The following MYO16 variants were observed in gnomAD, a reference collection of about 807,000 sequenced individuals.
MYO16 encodes myosin XVI.
Under a neutral mutation model 205.3 loss-of-function variants are expected in MYO16, and 94 were observed. That is an observed-to-expected ratio of 0.46 (90% confidence interval 0.39 to 0.54). The LOEUF (loss-of-function observed/expected upper bound fraction) is 0.54. Ranked by LOEUF, MYO16 falls within the 20% of genes least tolerant of loss-of-function variation. The pLI is 0.00. For synonymous variants in MYO16, 988 were observed against 954.0 expected, an observed-to-expected ratio of 1.04 and a Z score of -0.66; for missense variants, 2,315 against 2,387.5, an observed-to-expected ratio of 0.97 and a Z score of 0.63.
rs74819037 is a variant in MYO16 at position 108,882,995 on chromosome 13, T to A, written c.1426-64T>A. The A allele has an allele frequency of 6.9e-3, 10,967 of 1,585,816 alleles. 1,009 individuals are homozygous for A. In the East Asian group the frequency reaches 0.21, roughly 30 times the overall value. ...TCTTGGACAGAAGTCACTCTCATTA[T>A]GGGATGAGGAATACTGGCGCCTTTT... On this transcript the variant is annotated intron_variant, in intron 12 of 34. Transcript: ENST00000457511.
intron 2 of MYO16, among the ~76,000 whole-genome samples, chr13:108,679,405 G>A (rs543482008): frequency 6.6e-6 from 1 of 152,234 alleles, no homozygotes; most frequent in Admixed American, 6.5e-5. Flanking sequence ...GTTTACATGA[G>A]TAAGAGCTTT....
chr13:108,922,535 T>G (rs1441763062), intron 16 of MYO16, among the ~76,000 whole-genome samples: 1 of 152,218 alleles, frequency 6.6e-6, no homozygotes, highest in Non-Finnish European at 1.5e-5. Context: ...AAGAGAGACT[T>G]TCTTCACGTC....
chr13:108,867,063 G>A (rs941682790), intron 12 of MYO16, among the ~76,000 whole-genome samples: 7 of 151,932 alleles, frequency 4.6e-5, no homozygotes, highest in Non-Finnish European at 7.4e-5. Context: ...GTCAATTCTG[G>A]CTGGACTCGG....
intron 23 of MYO16, among the ~76,000 whole-genome samples, chr13:109,040,385 C>CACACACAGAGAGAGAGAGAGAGAGAGAG (rs1394314811): frequency 1.3e-4 from 15 of 113,282 alleles, no homozygotes; most frequent in East Asian, 5.5e-4. Context: ...CACACACACA[C>CACACACAGAGAGAGAGAGAGAGAGAGAG]AGAGAGAGAG....
intron 4 of MYO16, among the ~76,000 whole-genome samples, chr13:108,767,139 G>A (rs1566594814): frequency 6.6e-6 from 1 of 152,006 alleles, no homozygotes; most frequent in Non-Finnish European, 1.5e-5. Flanking sequence ...GTCTCTCTCT[G>A]TCGCCCAGGC....
intron 20 of MYO16, among the ~76,000 whole-genome samples, chr13:108,986,622 C>CAAAAAAAAAAAAAAAAAA (rs11350100): frequency 1.4e-5 from 1 of 69,528 alleles, no homozygotes. Flanking sequence ...AACTCCGTCT[C>CAAAAAAAAAAAAAAAAAA]AAAAAAAAAA....
chr13:108,893,250 C>CCATAACA lies in MYO16; in HGVS notation c.1660-4761_1660-4760insCACATAA, dbSNP rs576629412. Among the ~76,000 whole-genome samples, 799 of 152,134 alleles carry CCATAACA rather than the reference C, an allele frequency of 5.3e-3. 5 individuals are homozygous for CCATAACA. Among genetic ancestry groups the CCATAACA allele is most frequent in the African/African-American group, 0.019 (772 of 41,498 alleles). ...AGCATTGAATACATTTTTTAATTTA[C>CCATAACA]CATAAATCTTTATAAAATTAGAGGG... On this transcript the variant is annotated intron_variant, in intron 14 of 34. Transcript: ENST00000457511.
intron 11 of MYO16, among the ~76,000 whole-genome samples, chr13:108,865,178 T>C (rs1377625532): frequency 6.6e-6 from 1 of 152,174 alleles, no homozygotes; most frequent in Non-Finnish European, 1.5e-5. Flanking sequence ...GTAACAGTGT[T>C]TTATATAAAT....
chr13:108,681,261 AC>A (rs1318042167), intron 2 of MYO16, among the ~76,000 whole-genome samples: 1 of 152,174 alleles, frequency 6.6e-6, no homozygotes, highest in Non-Finnish European at 1.5e-5. Flanking sequence ...CTCTGTATAA[AC>A]TGACCATGGG....
rs553384946 is a variant in MYO16 at position 108,659,246 on chromosome 13, GATATATATGAT to G, written c.29-6631_29-6621del. On this transcript the variant is annotated intron_variant, in intron 1 of 34. Transcript: ENST00000457511. ...TATATGATATATATATGCTATATATGATATATATGATATATATATATCATATATATGATAGT... is the reference window on the plus strand; with the variant it reads ...TATATGATATATATATGCTATATATGATATATATATCATATATATGATAGT... The G allele has an allele frequency of 3.2e-3, 509 of 159,570 alleles. 1 individual carries two copies. The highest frequency in any genetic ancestry group is 0.012 in the African/African-American group (476 of 38,692). 9.9% of individuals were successfully genotyped at this position (159,570 alleles called of 1,614,324 possible).
At chr13:109,116,679 A>G (rs1002610866) in intron 28 of MYO16, among the ~76,000 whole-genome samples, 5 of 152,206 alleles carry the variant, frequency 3.3e-5, no homozygotes, top group African/African-American at 9.7e-5. Context: ...TTTCCTGAAT[A>G]TACTCTATCC....
chr13:109,191,846 G>A (rs908214731), intron 34 of MYO16, among the ~76,000 whole-genome samples: 3 of 152,144 alleles, frequency 2.0e-5, no homozygotes, highest in African/African-American at 7.2e-5. Flanking sequence ...TACTCGGTTT[G>A]GAAACTTTAA....
chr13:109,040,922 G>C (rs549677151), intron 23 of MYO16, among the ~76,000 whole-genome samples: 1 of 152,218 alleles, frequency 6.6e-6, no homozygotes, highest in Non-Finnish European at 1.5e-5. Context: ...AAATAAACCT[G>C]TGCTTATTTA....
chr13:108,669,355 C>G (rs953928735), intron 2 of MYO16, among the ~76,000 whole-genome samples: 3 of 151,770 alleles, frequency 2.0e-5, no homozygotes, highest in African/African-American at 7.3e-5. Context: ...TTGTTGGGAG[C>G]AAGAATTTTA....
At chr13:108,674,842 C>T (rs148971695) in intron 2 of MYO16, among the ~76,000 whole-genome samples, 6 of 152,242 alleles carry the variant, frequency 3.9e-5, no homozygotes, top group South Asian at 2.1e-4. Flanking sequence ...TTAGATACTT[C>T]GGATTGTAGA....
At chr13:108,790,963 CGTT>C (rs2138937811) in intron 5 of MYO16, among the ~76,000 whole-genome samples, 1 of 152,242 alleles carries the variant, frequency 6.6e-6, no homozygotes, top group Non-Finnish European at 1.5e-5. Flanking sequence ...CTTTAGTAGA[CGTT>C]GTAACATCCT....
intron 15 of MYO16, among the ~76,000 whole-genome samples, chr13:108,901,762 G>T (rs1880722686): frequency 6.6e-6 from 1 of 152,030 alleles, no homozygotes; most frequent in Non-Finnish European, 1.5e-5. Context: ...CAAATGATTT[G>T]GTGATCGTTT....
intron 32 of MYO16, among the ~76,000 whole-genome samples, chr13:109,150,539 G>T (rs1338323804): frequency 1.3e-5 from 2 of 152,170 alleles, no homozygotes; most frequent in Non-Finnish European, 2.9e-5. Flanking sequence ...CATATTAGCT[G>T]TAAATCTGCG....
At chr13:109,085,744 T>C (rs1438944872) in intron 27 of MYO16, among the ~76,000 whole-genome samples, 2 of 152,130 alleles carry the variant, frequency 1.3e-5, no homozygotes, top group Non-Finnish European at 2.9e-5. Context: ...AGTGGGAGTG[T>C]GGACAGACCA....
Sources: allele counts gnomAD v4.1 joint callset (sites outside exome capture counted in the v4.1 genomes callset), GRCh38; gene constraint gnomAD v4.1.1; transcripts MANE v1.5; gene names NCBI Gene and HGNC (gene_info 2026-07-23, HGNC 2026-07-21).